The following XKR6 variants were observed in gnomAD, a reference collection of about 807,000 sequenced individuals.
The protein encoded by XKR6 is XK-related protein 6.
Under a neutral mutation model 56.7 loss-of-function variants are expected in XKR6, and 22 were observed. The ratio of observed to expected loss-of-function variants is 0.39; its 90% confidence interval spans 0.28 to 0.55. The LOEUF is 0.55. XKR6 is among the 20% of genes least tolerant of loss of function. The pLI is 0.66. For synonymous variants in XKR6, 524 were observed against 387.8 expected (o/e 1.35, Z -4.13); for missense variants, 852 against 889.0 (o/e 0.96, Z 0.53).
At chr8:11,046,717 A>G (rs544403911) in intron 1 of XKR6, among the ~76,000 whole-genome samples, 1 of 152,350 alleles carries the variant, frequency 6.6e-6, no homozygotes, top group African/African-American at 2.4e-5. Context: ...TAAGGAATCA[A>G]CTTAAGTGGC....
rs1222679687 is a variant in XKR6, at chr8:11,201,367, TGGGGGGGAGGGACGGCGG to T, written c.-46_-29del. ...TGACTCTCTTCCCAGCTCCGGAGGTTGGGGGGGAGGGACGGCGGGGGGGGGGGGAAGAAGGCAGGGAAC... is the reference window on the plus strand; with the variant it reads ...TGACTCTCTTCCCAGCTCCGGAGGTTGGGGGGGGGGAAGAAGGCAGGGAAC... On this transcript the variant is annotated 5_prime_UTR_variant, in exon 1 of 3. Transcript: ENST00000416569. 3 of 331,648 alleles carry T rather than the reference TGGGGGGGAGGGACGGCGG, an allele frequency of 9.0e-6. No homozygotes were observed. Among genetic ancestry groups the T allele is most frequent in the Non-Finnish European group, 1.2e-5 (3 of 254,018 alleles). The allele number at this position is 331,648 out of a possible 1,614,324, so 20.5% of individuals were successfully genotyped here. A position where few individuals can be genotyped will look rare whatever the true frequency, so the allele number is the denominator to read the frequency against.
intron 1 of XKR6, among the ~76,000 whole-genome samples, chr8:11,004,127 G>A (rs1398107622): frequency 6.6e-6 from 1 of 152,170 alleles, no homozygotes; most frequent in Non-Finnish European, 1.5e-5. Context: ...GGAGTTATGA[G>A]GAGCCCTGGG....
chr8:10,997,053 C>T (rs936835536), intron 1 of XKR6, among the ~76,000 whole-genome samples: 13 of 152,186 alleles, frequency 8.5e-5, no homozygotes, highest in Admixed American at 2.6e-4. Context: ...CACACATGTA[C>T]GCCACAACCT....
intron 1 of XKR6, among the ~76,000 whole-genome samples, chr8:10,984,552 G>C (rs1468479146): frequency 5.9e-5 from 9 of 151,828 alleles, no homozygotes; most frequent in Non-Finnish European, 1.3e-4. Flanking sequence ...AGGGGAAAGA[G>C]TCCAGAAACT....
intron 2 of XKR6, among the ~76,000 whole-genome samples, chr8:10,916,514 T>C (rs569045534): frequency 7.2e-5 from 11 of 152,350 alleles, no homozygotes; most frequent in African/African-American, 2.4e-4. Flanking sequence ...TGTGGATGTC[T>C]TTCACTGGGG....
chr8:11,075,569 C>T (rs1284947050), intron 1 of XKR6, among the ~76,000 whole-genome samples: 1 of 152,178 alleles, frequency 6.6e-6, no homozygotes, highest in Non-Finnish European at 1.5e-5. Context: ...GTAGATACTA[C>T]TGTTCTCAAT....
At chr8:11,144,867 G>A (rs947045038) in intron 1 of XKR6, among the ~76,000 whole-genome samples, 2 of 150,266 alleles carry the variant, frequency 1.3e-5, no homozygotes, top group African/African-American at 4.9e-5. Flanking sequence ...GAGGGGTAGG[G>A]AGGGGAAAGG....
At position 10,989,432 on chromosome 8, in the gene XKR6, A is replaced by C. The variant is rs145266850; in HGVS notation, c.765-64602T>G. Among the ~76,000 whole-genome samples, 414 of 152,344 alleles carry C rather than the reference A, an allele frequency of 2.7e-3. 7 individuals carry two copies. The highest frequency in any genetic ancestry group is 0.018 in the East Asian group (92 of 5,184). ...AATCACAAACCATATGAGACCCGAG[A>C]TGATTGATATCTACGTTACGTTTAA... On this transcript the variant is annotated intron_variant, in intron 1 of 2. Transcript: ENST00000416569.
At chr8:10,981,393 A>G (rs910305512) in intron 1 of XKR6, among the ~76,000 whole-genome samples, 1 of 152,196 alleles carries the variant, frequency 6.6e-6, no homozygotes, top group Non-Finnish European at 1.5e-5. Flanking sequence ...AGTAGAGGAG[A>G]TATTTCCAAG....
chr8:11,093,070 T>C (rs1255799683), intron 1 of XKR6, among the ~76,000 whole-genome samples: 2 of 152,202 alleles, frequency 1.3e-5, no homozygotes, highest in African/African-American at 4.8e-5. Flanking sequence ...TCTTTCTTTC[T>C]TTTAGACGGA....
intron 1 of XKR6, among the ~76,000 whole-genome samples, chr8:11,151,975 T>TA (rs1445485100): frequency 3.9e-5 from 6 of 152,128 alleles, no homozygotes; most frequent in Non-Finnish European, 8.8e-5. Flanking sequence ...GAATACTACT[T>TA]AGAGTCAAGA....
chr8:10,969,925 C>G (rs1049039653), intron 1 of XKR6, among the ~76,000 whole-genome samples: 1 of 152,254 alleles, frequency 6.6e-6, no homozygotes, highest in African/African-American at 2.4e-5. Flanking sequence ...CAGGCAAATG[C>G]TCCTCTAAGC....
At chr8:11,071,371 C>G (rs902172283) in intron 1 of XKR6, among the ~76,000 whole-genome samples, 5 of 152,202 alleles carry the variant, frequency 3.3e-5, no homozygotes, top group African/African-American at 1.2e-4. Flanking sequence ...TCCCAAGTAG[C>G]TAGGATTACA....
chr8:10,952,167 G>A (rs1473685384), intron 1 of XKR6, among the ~76,000 whole-genome samples: 1 of 152,128 alleles, frequency 6.6e-6, no homozygotes, highest in African/African-American at 2.4e-5. Flanking sequence ...TGCCTCAGAG[G>A]CTGCCTCAAA....
rs145258154 is a variant in XKR6 at position 11,051,159 on chromosome 8, C to T, written c.765-126329G>A. On this transcript the variant is annotated intron_variant, in intron 1 of 2. Transcript: ENST00000416569. ...TTGTAGCATTTAATTCAGTGGATCA[C>T]CCCCCATCTGCTAGACTCCTTTCTT... 4.2e-3 allele frequency among the ~76,000 whole-genome samples: 641 copies of T among 151,960 alleles called. 10 individuals carry two copies. Among genetic ancestry groups the T allele is most frequent in the African/African-American group, 0.015 (615 of 41,370 alleles).
At chr8:11,130,541 C>T (rs1186577967) in intron 1 of XKR6, among the ~76,000 whole-genome samples, 2 of 151,758 alleles carry the variant, frequency 1.3e-5, no homozygotes, top group East Asian at 3.9e-4. Flanking sequence ...GCCGTAGTCT[C>T]TGTAGACTTC....
chr8:11,084,962 C>T (rs1391721436), intron 1 of XKR6, among the ~76,000 whole-genome samples: 1 of 152,168 alleles, frequency 6.6e-6, no homozygotes, highest in Non-Finnish European at 1.5e-5. Flanking sequence ...CAAGGTGCAC[C>T]ACCATCCCCA....
chr8:11,093,976 G>C (rs923039387), intron 1 of XKR6, among the ~76,000 whole-genome samples: 2 of 151,902 alleles, frequency 1.3e-5, no homozygotes, highest in Non-Finnish European at 2.9e-5. Flanking sequence ...GTAGAGATGG[G>C]GGTTTCACCG....
intron 1 of XKR6, among the ~76,000 whole-genome samples, chr8:10,988,510 T>A (rs1169457725): frequency 6.6e-6 from 1 of 152,164 alleles, no homozygotes; most frequent in African/African-American, 2.4e-5. Context: ...CACTGTCACG[T>A]AGATGCAACT....
Sources: gnomAD v4.1 joint callset for allele counts (sites outside exome capture counted in the v4.1 genomes callset) on GRCh38, gnomAD v4.1.1 for gene constraint, MANE v1.5 for transcripts, NCBI Gene and HGNC (gene_info 2026-07-23, HGNC 2026-07-21) for gene names.